The following MEIOSIN variants were observed in gnomAD, a reference collection of about 807,000 sequenced individuals.
MEIOSIN encodes meiosis initiator protein.
MEIOSIN carries 18 observed loss-of-function variants against 23.4 expected under a neutral mutation model. The ratio of observed to expected loss-of-function variants is 0.77; its 90% CI spans 0.53 to 1.14. The LOEUF is 1.14. MEIOSIN is among the 50% of genes most tolerant of loss of function. The pLI, the probability that MEIOSIN is intolerant of heterozygous loss-of-function variation, is 0.00. For missense variants in MEIOSIN, 428 were observed against 242.9 expected (o/e 1.76, Z -5.07); for synonymous variants, 187 against 100.6 (o/e 1.86, Z -5.14).
intron 3 of MEIOSIN, 21 bp from the exon 4 acceptor site, chr19:45,745,171 C>T (rs781573718): frequency 4.3e-6 from 3 of 702,670 alleles, no homozygotes; most frequent in Non-Finnish European, 5.2e-6. Context: ...CTAACCAAAA[C>T]CAGCTCCTGT....
chr19:45,762,030 T>A lies in MEIOSIN; in HGVS notation c.1526T>A (p.Leu509Gln). The change falls in exon 13 of 15, where the codon CTG becomes CAG. Residue 509 changes from leucine to glutamine, a missense_variant. By Grantham distance (113) the Leu-to-Gln change is moderately radical. Transcript: ENST00000457052. The part of the protein sequence containing the change: ...WTPTRLASPL[L>Q]AAEKKATKGQ... ...CCCACCCGGCTGGCCTCACCCCTGC[T>A]GGCAGCTGAGAAAAAGGCCACGAAG... The A allele has an allele frequency of 4.1e-6, 2 of 486,492 alleles. No individual in the cohort carries two copies. Among genetic ancestry groups the A allele is most frequent in the Non-Finnish European group, 7.3e-6 (2 of 274,778 alleles). The allele number at this position is 486,492 out of a possible 1,614,324, so 30.1% of individuals were successfully genotyped here.
At chr19:45,754,011 C>G (rs571527848) in intron 6 of MEIOSIN, among the ~76,000 whole-genome samples, 5 of 149,286 alleles carry the variant, frequency 3.3e-5, no homozygotes, top group South Asian at 4.3e-4. Flanking sequence ...GAGAGAGACT[C>G]TCACTCTGTC....
intron 14 of MEIOSIN, among the ~76,000 whole-genome samples, chr19:45,763,722 C>T (rs1231733284): frequency 1.3e-5 from 2 of 152,152 alleles, no homozygotes; most frequent in Non-Finnish European, 1.5e-5. Context: ...TTGGCCACCT[C>T]GACTCCCCCG....
At chr19:45,747,311 G>A (rs1968612877) in intron 4 of MEIOSIN, among the ~76,000 whole-genome samples, 1 of 152,186 alleles carries the variant, frequency 6.6e-6, no homozygotes, top group Non-Finnish European at 1.5e-5. Context: ...GCCATAGCAG[G>A]AGCTGTGAGA....
rs187294313 is a variant in MEIOSIN at position 45,740,532 on chromosome 19, C to T, written c.176+802C>T. Among the ~76,000 whole-genome samples the T allele has an allele frequency of 1.6e-4, 24 of 152,114 alleles. No homozygotes were observed. The East Asian group carries it at 2.9e-3, about 18-fold the overall frequency. ...TTGGGAGGCCAAGGCGGATAGATCA[C>T]GAGGTCAGGAGATTGAGACCATCCT... On this transcript the variant is annotated intron_variant, in intron 3 of 14. Coordinates refer to ENST00000457052, the MANE Select transcript of MEIOSIN (RefSeq NM_001310124.2).
intron 3 of MEIOSIN, among the ~76,000 whole-genome samples, chr19:45,741,500 A>G (rs887988932): frequency 2.6e-5 from 4 of 152,212 alleles, no homozygotes; most frequent in Non-Finnish European, 5.9e-5. Flanking sequence ...ATGGGTTCCA[A>G]GCACTGTGCT....
Position 45,761,846 on chromosome 19 carries a change from GC to G in MEIOSIN, c.1417del (p.Leu473CysfsTer48). 1.5e-6 allele frequency: 1 copy of G among 682,438 alleles called. No individual in the cohort carries two copies. The allele number at this position is 682,438 out of a possible 1,614,324, so 42.3% of individuals were successfully genotyped here. A position where few individuals can be genotyped will look rare whatever the true frequency, so the allele number is the denominator to read the frequency against. ...SSSSEDSDSE[P>X]LWKQREDMQA... ...CCAGCTCGGAGGACAGCGACTCGGA[GC>G]CCCTGTGGAAGCAGCGAGAGGTGAG... On this transcript the variant is annotated frameshift_variant, in exon 12 of 15. Transcript: ENST00000457052. LOFTEE classifies it high-confidence loss of function.
In MEIOSIN at chr19:45,749,711, A is replaced by G. The variant is rs544077945; in HGVS notation, c.307-964A>G. 4.0e-5 allele frequency among the ~76,000 whole-genome samples: 6 copies of G among 149,960 alleles called. No individual in the cohort carries two copies. The South Asian group carries it at 8.4e-4, about 21-fold the overall frequency. On this transcript the variant is annotated intron_variant, in intron 4 of 14. Coordinates refer to ENST00000457052, the MANE Select transcript of MEIOSIN (RefSeq NM_001310124.2). ...AAAAAAGCGCAAAAAAAAAAAACAA[A>G]AAAAGACTATTGGCCGGGCGTGGTG... is the stretch of plus-strand genomic sequence containing the variant.
rs186333625 is a variant in MEIOSIN at position 45,738,638 on chromosome 19, T to C, written c.72-988T>C. On this transcript the variant is annotated intron_variant, in intron 2 of 14. Coordinates refer to ENST00000457052, the MANE Select transcript of MEIOSIN (RefSeq NM_001310124.2). Reference sequence around the variant, plus strand: ...AAAAAAGAAAAAAAAGCATAGCTGATTGGGAGCTGTGGCCCAGTGTTGCTG... The same window carrying C: ...AAAAAAGAAAAAAAAGCATAGCTGACTGGGAGCTGTGGCCCAGTGTTGCTG... 1.3e-3 allele frequency among the ~76,000 whole-genome samples: 197 copies of C among 152,262 alleles called. 1 individual carries two copies. Among genetic ancestry groups the C allele is most frequent in the African/African-American group, 4.3e-3 (178 of 41,564 alleles).
intron 4 of MEIOSIN, among the ~76,000 whole-genome samples, chr19:45,746,671 A>G (rs901340401): frequency 3.3e-5 from 5 of 151,978 alleles, no homozygotes; most frequent in East Asian, 3.9e-4. Flanking sequence ...AATACAACCA[A>G]TTAGCCAGGA....
intron 5 of MEIOSIN, among the ~76,000 whole-genome samples, chr19:45,752,085 G>A (rs1968724370): frequency 6.7e-6 from 1 of 148,360 alleles, no homozygotes; most frequent in Non-Finnish European, 1.5e-5. Context: ...CACCCAGGCT[G>A]GAATGCAGTG....
At chr19:45,749,752 C>T (rs1968662347) in intron 4 of MEIOSIN, among the ~76,000 whole-genome samples, 1 of 147,778 alleles carries the variant, frequency 6.8e-6, no homozygotes, top group Non-Finnish European at 1.5e-5. Flanking sequence ...CACCTGGAAT[C>T]CCAGAACTTT....
chr19:45,757,411 C>G (rs998593237), intron 9 of MEIOSIN, 134 bp downstream of exon 9: 1 of 568,400 alleles, frequency 1.8e-6, no homozygotes, highest in African/African-American at 1.9e-5. Flanking sequence ...GGCAAACACA[C>G]AGTGCACCTG....
chr19:45,760,935 A>G (rs538219625), intron 11 of MEIOSIN, among the ~76,000 whole-genome samples: 2 of 88,730 alleles, frequency 2.3e-5, no homozygotes, highest in South Asian at 4.3e-4. Context: ...AAAAAAAAAA[A>G]AAAGAAAGAA....
In MEIOSIN at chr19:45,764,111, T is replaced by G; in HGVS notation, c.1910T>G (p.Leu637Arg). ...AEKALPLPPH[L>R]Q Reference sequence around the variant, plus strand: ...AAGGCCTTGCCGCTGCCCCCGCACCTCCAGTGAGAGGGCGGCCCCTCGCCT... The same window carrying G: ...AAGGCCTTGCCGCTGCCCCCGCACCGCCAGTGAGAGGGCGGCCCCTCGCCT... Residue 637 changes from leucine to arginine, a missense_variant, in exon 15 of 15, where the codon CTC (leucine) becomes CGC (arginine). Coordinates refer to ENST00000457052, the MANE Select transcript of MEIOSIN (RefSeq NM_001310124.2). 1 of 398,534 alleles carries G rather than the reference T, an allele frequency of 2.5e-6. No individual in the cohort carries two copies. Among genetic ancestry groups the G allele is most frequent in the African/African-American group, 2.1e-5 (1 of 48,746 alleles). The allele number at this position is 398,534 out of a possible 1,614,324, so 24.7% of individuals were successfully genotyped here.
chr19:45,750,734 C>T lies in MEIOSIN; in HGVS notation c.366C>T (p.Ala122=), dbSNP rs1235661941. 1.6e-5 allele frequency: 10 copies of T among 644,974 alleles called. No individual in the cohort carries two copies. The highest frequency in any genetic ancestry group is 2.5e-5 in the Non-Finnish European group (9 of 361,924). The allele number at this position is 644,974 out of a possible 1,614,324, so 40.0% of individuals were successfully genotyped here. Residue 122 remains alanine, a synonymous_variant, in exon 5 of 15, where the codon GCC becomes GCT. Coordinates refer to ENST00000457052, the MANE Select transcript of MEIOSIN (RefSeq NM_001310124.2). ...YIQYLQRNID[A]AKALFKCHIT... is the part of the protein sequence containing the mutation. ...AGTACCTCCAGAGAAACATCGATGC[C>T]GCCAAGGCCTTGTTCAAATGCCACA...
At chr19:45,742,842 A>G (rs575221723) in intron 3 of MEIOSIN, among the ~76,000 whole-genome samples, 1 of 152,252 alleles carries the variant, frequency 6.6e-6, no homozygotes, top group South Asian at 2.1e-4. Context: ...AACCAGGGCA[A>G]CAGAACATTC....
chr19:45,755,739 C>A (rs1010353030), intron 7 of MEIOSIN, among the ~76,000 whole-genome samples: 3 of 152,192 alleles, frequency 2.0e-5, no homozygotes, highest in Admixed American at 6.5e-5. Flanking sequence ...AGCCACGGTG[C>A]CCAGCCCCCA....
chr19:45,745,994 G>A (rs543158692), intron 4 of MEIOSIN, among the ~76,000 whole-genome samples: 2 of 152,176 alleles, frequency 1.3e-5, no homozygotes, highest in East Asian at 3.9e-4. Flanking sequence ...TTTGAGACAG[G>A]ATCTCACTGT....
Sources: gnomAD v4.1 joint callset for allele counts (sites outside exome capture counted in the v4.1 genomes callset) on GRCh38, gnomAD v4.1.1 for gene constraint, MANE v1.5 for transcripts, NCBI Gene and HGNC (gene_info 2026-07-23, HGNC 2026-07-21) for gene names.